Variants in R3HDM2 observed in about 807,000 individuals in gnomAD.
R3HDM2 encodes the protein R3H domain-containing protein 2.
Under a neutral mutation model 124.5 loss-of-function variants are expected in R3HDM2, and 38 were observed. The ratio of observed to expected loss-of-function variants is 0.31; its 90% CI spans 0.24 to 0.40. R3HDM2 has a LOEUF of 0.40. Ranked by LOEUF, R3HDM2 falls within the 10% of genes least tolerant of loss-of-function variation. The probability of loss-of-function intolerance (pLI) is 1.00; values close to 1 mark genes in which losing one functional copy is unlikely to be tolerated. For missense variants in R3HDM2, 869 were observed against 1,236.9 expected (o/e 0.70, Z 4.46); for synonymous variants, 391 against 448.0 (o/e 0.87, Z 1.61).
intron 2 of R3HDM2, among the ~76,000 whole-genome samples, chr12:57,353,515 AATAG>A (rs1172126999): frequency 1.3e-5 from 2 of 152,196 alleles, no homozygotes; most frequent in South Asian, 2.1e-4. Flanking sequence ...TACACCATTG[AATAG>A]ATAAAGCATA....
chr12:57,370,133 A>G (rs2063139637), intron 2 of R3HDM2, among the ~76,000 whole-genome samples: 1 of 152,098 alleles, frequency 6.6e-6, no homozygotes, highest in Non-Finnish European at 1.5e-5. Context: ...TGTGTGAGGG[A>G]GGGAGGCTTA....
At chr12:57,300,391 T>C (rs141785420) in intron 4 of R3HDM2, among the ~76,000 whole-genome samples, 67 of 152,234 alleles carry the variant, frequency 4.4e-4, no homozygotes, top group African/African-American at 1.6e-3. Flanking sequence ...CTTACAACAG[T>C]AGACATGTAC....
chr12:57,346,043 C>G (rs1415916105), intron 2 of R3HDM2, among the ~76,000 whole-genome samples: 3 of 151,956 alleles, frequency 2.0e-5, no homozygotes, highest in Non-Finnish European at 4.4e-5. Flanking sequence ...GCCTGTAATC[C>G]CAGCTACTCA....
intron 14 of R3HDM2, chr12:57,272,371 A>G: frequency 1.7e-6 from 2 of 1,173,360 alleles, no homozygotes; most frequent in Non-Finnish European, 2.5e-6. Context: ...CATGCTTACA[A>G]GGCCATCACA....
At chr12:57,371,418 T>C (rs2063370172) in intron 2 of R3HDM2, among the ~76,000 whole-genome samples, 1 of 151,926 alleles carries the variant, frequency 6.6e-6, no homozygotes, top group Non-Finnish European at 1.5e-5. Context: ...AGGTAAGAAA[T>C]ATCATTCAAG....
chr12:57,390,719 T>C (rs1264045255), intron 2 of R3HDM2, among the ~76,000 whole-genome samples: 1 of 149,868 alleles, frequency 6.7e-6, no homozygotes, highest in Non-Finnish European at 1.5e-5. Context: ...GAAAGAAATA[T>C]GTAATTACCA....
In R3HDM2 at chr12:57,376,976, T is replaced by A. The variant is rs554970179; in HGVS notation, c.-36+18773A>T. ...AAAAATAAAAAATAAAAAAAAATTT[T>A]AAAAAAGGGGCAACCCACTTGGGTC... On this transcript the variant is annotated intron_variant, in intron 2 of 23. Transcript: ENST00000402412. 1.3e-3 allele frequency among the ~76,000 whole-genome samples: 203 copies of A among 151,360 alleles called. 1 individual carries two copies. The highest frequency in any genetic ancestry group is 4.3e-3 in the African/African-American group (178 of 41,346).
At position 57,420,380 on chromosome 12, in the gene R3HDM2, C is replaced by T. The variant is rs114097892; in HGVS notation, c.-106+10340G>A. On this transcript the variant is annotated intron_variant, in intron 1 of 23. Transcript: ENST00000402412. Reference sequence around the variant, plus strand: ...CTAATGACCCTGCTCTCACTGAAGACACCAATGACCTGACTGTCAAATCCA... The same window carrying T: ...CTAATGACCCTGCTCTCACTGAAGATACCAATGACCTGACTGTCAAATCCA... Among the ~76,000 whole-genome samples the T allele has an allele frequency of 2.0e-3, 310 of 152,256 alleles. 1 individual carries two copies. The highest frequency in any genetic ancestry group is 7.2e-3 in the African/African-American group (298 of 41,562).
chr12:57,296,267 C>T lies in R3HDM2; in HGVS notation c.701+144G>A. On this transcript the variant is annotated intron_variant, in intron 9 of 23. Coordinates refer to ENST00000402412, the MANE Select transcript of R3HDM2 (RefSeq NM_001394031.1). This position sits in a 1 kb window ranked among gnomAD's most constrained non-coding sequence, Gnocchi z 4.5. ...TCCTGGCTTCAAGCAGTCTTCCCAT[C>T]TTGGCCTCCCAAAGTGCTGGGATTA... is the stretch of plus-strand genomic sequence containing the variant. 2.2e-6 allele frequency: 2 copies of T among 899,790 alleles called. No individual in the cohort carries two copies. The highest frequency in any genetic ancestry group is 2.5e-5 in the Admixed American group (1 of 39,666). 55.7% of individuals were successfully genotyped at this position (899,790 alleles called of 1,614,324 possible). A position where few individuals can be genotyped will look rare whatever the true frequency, so the allele number is the denominator to read the frequency against.
chr12:57,396,397 C>A (rs1348634098), intron 1 of R3HDM2, among the ~76,000 whole-genome samples: 1 of 151,862 alleles, frequency 6.6e-6, no homozygotes, highest in Non-Finnish European at 1.5e-5. Flanking sequence ...GCCGAGATCG[C>A]ACCACTGCAC....
At chr12:57,383,116 A>C (rs1007741665) in intron 2 of R3HDM2, among the ~76,000 whole-genome samples, 1 of 151,678 alleles carries the variant, frequency 6.6e-6, no homozygotes, top group Non-Finnish European at 1.5e-5. Context: ...TGGCCTCCCA[A>C]AGTTCTGGGA....
rs148190365 is a variant in R3HDM2 at position 57,330,926 on chromosome 12, C to T, written c.-35-20463G>A. ...ATGTTAGCCAGATGGTCTCGATCTC[C>T]TGACCTTGTGATCTGCCCGCCTCGG... is the stretch of plus-strand genomic sequence containing the variant. On this transcript the variant is annotated intron_variant, in intron 2 of 23. Transcript: ENST00000402412. Among the ~76,000 whole-genome samples, 318 of 149,296 alleles carry T rather than the reference C, an allele frequency of 2.1e-3. 8 individuals carry two copies. In the East Asian group the frequency reaches 0.051, roughly 24 times the overall value.
intron 2 of R3HDM2, among the ~76,000 whole-genome samples, chr12:57,349,304 C>T (rs1258020516): frequency 7.4e-6 from 1 of 135,106 alleles, no homozygotes; most frequent in Non-Finnish European, 1.5e-5. Context: ...GGCGTGAACC[C>T]GGGAGGCAGA....
At chr12:57,338,891 A>AATTATATTTTATATAATTTATATAT (rs2059203062) in intron 2 of R3HDM2, among the ~76,000 whole-genome samples, 1 of 152,072 alleles carries the variant, frequency 6.6e-6, no homozygotes. Context: ...AATATTAATA[A>AATTATATTTTATATAATTTATATAT]TAATGGCTAA....
chr12:57,279,673 TAAAA>T (rs2045699314), intron 14 of R3HDM2, among the ~76,000 whole-genome samples: 2 of 151,754 alleles, frequency 1.3e-5, no homozygotes, highest in Non-Finnish European at 2.9e-5. Context: ...TTTTAAAAAT[TAAAA>T]GAAAGAAATA....
intron 1 of R3HDM2, among the ~76,000 whole-genome samples, chr12:57,405,221 C>A (rs576246388): frequency 6.6e-6 from 1 of 151,976 alleles, no homozygotes; most frequent in African/African-American, 2.4e-5. Context: ...TGTAGAAATG[C>A]GGGTCTCACT....
chr12:57,410,167 A>G lies in R3HDM2; in HGVS notation c.-105-14349T>C, dbSNP rs1305317441. Among the ~76,000 whole-genome samples the G allele has an allele frequency of 2.0e-5, 3 of 152,098 alleles. No individual in the cohort carries two copies. In the East Asian group the frequency reaches 5.8e-4, roughly 29 times the overall value. ...GGTAAACATATCATATTCACTTTGTATGTGTAATCTTACTCTATTTTAACT... is the reference window on the plus strand; with the variant it reads ...GGTAAACATATCATATTCACTTTGTGTGTGTAATCTTACTCTATTTTAACT... On this transcript the variant is annotated intron_variant, in intron 1 of 23. Coordinates refer to ENST00000402412, the MANE Select transcript of R3HDM2 (RefSeq NM_001394031.1).
chr12:57,346,616 A>G (rs1368303969), intron 2 of R3HDM2, among the ~76,000 whole-genome samples: 2 of 152,238 alleles, frequency 1.3e-5, no homozygotes, highest in Non-Finnish European at 2.9e-5. Flanking sequence ...GATGAAGGAA[A>G]ACTAAGAGAA....
intron 1 of R3HDM2, among the ~76,000 whole-genome samples, chr12:57,415,638 A>G (rs372564467): frequency 4.0e-5 from 6 of 151,738 alleles, no homozygotes; most frequent in African/African-American, 1.2e-4. Flanking sequence ...GCAGATATCA[A>G]TTTAACCAAG....
Sources: gnomAD v4.1 joint callset for allele counts (sites outside exome capture counted in the v4.1 genomes callset) on GRCh38, gnomAD v4.1.1 for gene constraint, Gnocchi (gnomAD v3.1) non-coding constraint, MANE v1.5 for transcripts, NCBI Gene and HGNC (gene_info 2026-07-23, HGNC 2026-07-21) for gene names.